The following LPIN2 variants were observed in gnomAD, a reference collection of about 807,000 sequenced individuals.
LPIN2 encodes lipin 2.
LPIN2 carries 55 observed loss-of-function variants against 111.4 expected under a neutral mutation model. The ratio of observed to expected loss-of-function variants is 0.49; its 90% CI spans 0.40 to 0.62. The LOEUF (loss-of-function observed/expected upper bound fraction) is 0.62. LPIN2 is among the 20% of genes least tolerant of loss of function. The pLI is 0.00. For synonymous variants in LPIN2, 425 were observed against 414.0 expected (o/e 1.03, Z -0.32); for missense variants, 992 against 1,112.1 (o/e 0.89, Z 1.54).
At chr18:2,955,706 A>G (rs1043455692) in intron 2 of LPIN2, among the ~76,000 whole-genome samples, 1 of 152,170 alleles carries the variant, frequency 6.6e-6, no homozygotes, top group Non-Finnish European at 1.5e-5. Flanking sequence ...ACCTGAGGTC[A>G]AGAGTTCGAG....
intron 2 of LPIN2, among the ~76,000 whole-genome samples, chr18:2,958,166 A>AAAAAAAAAAAAAAAAC (rs1568571302): frequency 6.8e-6 from 1 of 146,090 alleles, no homozygotes. Context: ...AACAACAAAA[A>AAAAAAAAAAAAAAAAC]AAAAAAACAG....
chr18:2,932,929 T>C (rs2077231839), intron 8 of LPIN2, among the ~76,000 whole-genome samples: 2 of 152,158 alleles, frequency 1.3e-5, no homozygotes, highest in Admixed American at 6.5e-5. Context: ...TCCATCGTGG[T>C]AGGCCAACGA....
chr18:2,960,529 G>A, intron 2 of LPIN2, 120 bp downstream of exon 2: 1 of 924,276 alleles, frequency 1.1e-6, no homozygotes, highest in South Asian at 1.4e-5. Flanking sequence ...AAAAAAAAAG[G>A]CCTAGAAAAC....
intron 8 of LPIN2, among the ~76,000 whole-genome samples, chr18:2,932,818 A>G (rs141634294): frequency 6.2e-4 from 95 of 152,290 alleles, no homozygotes; most frequent in Middle Eastern, 3.4e-3. Flanking sequence ...GGGATGGGAG[A>G]GCCTCAAGGT....
chr18:2,984,394 T>C (rs1368307453), intron 1 of LPIN2, among the ~76,000 whole-genome samples: 2 of 152,170 alleles, frequency 1.3e-5, no homozygotes, highest in East Asian at 3.9e-4. Context: ...GCCTAAATTT[T>C]ATGCAATGAA....
chr18:2,929,246 A>G (rs1165798628), intron 9 of LPIN2, 88 bp from the exon 10 acceptor site: 1 of 899,506 alleles, frequency 1.1e-6, no homozygotes, highest in East Asian at 2.4e-5. Context: ...CAGAAATTGA[A>G]GGCTAAAATC....
At chr18:2,985,119 G>T in intron 1 of LPIN2, 1 of 152,202 alleles carries the variant, frequency 6.6e-6, no homozygotes, top group East Asian at 1.9e-4. Flanking sequence ...ATGTACTATG[G>T]ACCCATCAGA....
At chr18:2,957,241 C>T (rs1165967017) in intron 2 of LPIN2, among the ~76,000 whole-genome samples, 1 of 152,164 alleles carries the variant, frequency 6.6e-6, no homozygotes, top group Non-Finnish European at 1.5e-5. Flanking sequence ...GGAGTCTATT[C>T]ATCCTGTTTC....
In LPIN2 at chr18:2,937,705, C is replaced by T. The variant is rs558271134; in HGVS notation, c.1155G>A (p.Pro385=). 3.7e-5 allele frequency: 60 copies of T among 1,613,968 alleles called. No homozygotes were observed. In the Middle Eastern group the frequency reaches 1.2e-3, roughly 31 times the overall value. The stretch of plus-strand genomic sequence containing the variant: ...ACAAACGATTACCTTTCTTCTTTGA[C>T]GGCGAGTCTACTTTAGCTGCCGGTT... ...ESKPAAKVDS[P]SKKKGVHKRS... The change falls in exon 7 of 20, where the codon CCG becomes CCA. Residue 385 remains proline (P), a synonymous_variant. Coordinates refer to ENST00000677752, the MANE Select transcript of LPIN2 (RefSeq NM_001375808.2).
At chr18:2,968,277 C>T (rs623325) in intron 1 of LPIN2, among the ~76,000 whole-genome samples, 83,344 of 151,990 alleles carry the variant, frequency 0.55, 23,402 homozygotes, top group Non-Finnish European at 0.61. Flanking sequence ...AAGCCTTACC[C>T]GGGAAAGGCC....
chr18:2,924,840 G>A (rs554242406), intron 14 of LPIN2, among the ~76,000 whole-genome samples: 57 of 152,340 alleles, frequency 3.7e-4, no homozygotes, highest in African/African-American at 1.3e-3. Context: ...TCTGGTCCCA[G>A]CAAGACCTTT....
chr18:2,921,099 C>T (rs745340281), intron 18 of LPIN2: 37 of 612,122 alleles, frequency 6.0e-5, no homozygotes, highest in Non-Finnish European at 1.1e-4. Flanking sequence ...CAAGGGGAAG[C>T]CAGGGTCCCT....
chr18:2,931,589 G>C, intron 8 of LPIN2, 146 bp from the exon 9 acceptor site: 1 of 762,274 alleles, frequency 1.3e-6, no homozygotes, highest in Non-Finnish European at 2.2e-6. Flanking sequence ...ACTTTTCTTA[G>C]ATAGGGTTTA....
At chr18:2,979,909 T>C (rs2078080250) in intron 1 of LPIN2, among the ~76,000 whole-genome samples, 1 of 152,186 alleles carries the variant, frequency 6.6e-6, no homozygotes. Flanking sequence ...ACTTGGCTAG[T>C]GAGCCTACCA....
Position 2,960,514 on chromosome 18 carries a change from T to TA in LPIN2, c.192+134dup, listed in dbSNP as rs376940122. On this transcript the variant is annotated intron_variant, in intron 2 of 19. Transcript: ENST00000677752. Reference sequence around the variant, plus strand: ...AACATTGTCTCAACATCATTCAGGTTAAAAAAAAAAAAAGGCCTAGAAAAC... The same window carrying TA: ...AACATTGTCTCAACATCATTCAGGTTAAAAAAAAAAAAAAGGCCTAGAAAAC... 0.038 allele frequency: 27,424 copies of TA among 729,688 alleles called. 489 individuals carry two copies. Among genetic ancestry groups the TA allele is most frequent in the African/African-American group, 0.15 (7,924 of 53,160 alleles). 45.2% of individuals were successfully genotyped at this position (729,688 alleles called of 1,614,324 possible).
chr18:2,998,827 A>G (rs2078385063), intron 1 of LPIN2, among the ~76,000 whole-genome samples: 1 of 152,258 alleles, frequency 6.6e-6, no homozygotes, highest in African/African-American at 2.4e-5. Flanking sequence ...TTACTTTCTC[A>G]TAAGACACTA....
At chr18:2,992,112 T>C (rs1354533050) in intron 1 of LPIN2, among the ~76,000 whole-genome samples, 1 of 152,082 alleles carries the variant, frequency 6.6e-6, no homozygotes, top group Non-Finnish European at 1.5e-5. Flanking sequence ...AAAACAGACA[T>C]TTGTATACCA....
intron 17 of LPIN2, 54 bp from the exon 18 acceptor site, chr18:2,921,701 G>GT (rs1305835100): frequency 1.0e-5 from 13 of 1,287,078 alleles, no homozygotes; most frequent in Non-Finnish European, 1.5e-5. Context: ...GTTTTCCCCA[G>GT]TGAGTGGTCC....
At chr18:2,954,275 T>C (rs983144446) in intron 3 of LPIN2, among the ~76,000 whole-genome samples, 3 of 152,232 alleles carry the variant, frequency 2.0e-5, no homozygotes, top group South Asian at 2.1e-4. Flanking sequence ...AGTGCAAGTA[T>C]GTGCATTCAG....
Sources: allele counts gnomAD v4.1 joint callset (sites outside exome capture counted in the v4.1 genomes callset), GRCh38; gene constraint gnomAD v4.1.1; transcripts MANE v1.5; gene names NCBI Gene and HGNC (gene_info 2026-07-23, HGNC 2026-07-21).